WRN: variants seen among roughly 807,000 people sequenced by gnomAD.
WRN encodes bifunctional 3'-5' exonuclease/ATP-dependent helicase WRN.
Under a neutral mutation model 180.7 loss-of-function variants are expected in WRN, and 149 were observed. That is an observed-to-expected ratio of 0.82 (90% CI 0.72 to 0.94). The LOEUF (loss-of-function observed/expected upper bound fraction) is 0.94. Among genes scored for constraint, WRN ranks in the 40% least tolerant of loss-of-function variants. The probability of loss-of-function intolerance (pLI) is 0.00; values close to 1 mark genes in which losing one functional copy is unlikely to be tolerated. For missense variants in WRN, 1,661 were observed against 1,700.1 expected, an observed-to-expected ratio of 0.98 and a Z score of 0.40; for synonymous variants, 548 against 568.9, an observed-to-expected ratio of 0.96 and a Z score of 0.52.
intron 23 of WRN, 106 bp from the exon 24 acceptor site, chr8:31,132,259 A>G: frequency 7.3e-7 from 1 of 1,371,926 alleles, no homozygotes; most frequent in Non-Finnish European, 9.9e-7. Flanking sequence ...AGCAGTTGGC[A>G]CATTTGAGAT....
intron 14 of WRN, 123 bp from the exon 15 acceptor site, chr8:31,090,711 A>G: frequency 9.7e-7 from 1 of 1,035,558 alleles, no homozygotes; most frequent in Non-Finnish European, 1.4e-6. Flanking sequence ...TTTTAGGAAG[A>G]TAGCATACTA....
intron 20 of WRN, among the ~76,000 whole-genome samples, chr8:31,117,084 A>G (rs1473122473): frequency 6.6e-6 from 1 of 152,210 alleles, no homozygotes; most frequent in African/African-American, 2.4e-5. Flanking sequence ...AAAACTTGCA[A>G]AGAAGCAGTC....
At chr8:31,130,699 A>G (rs936431686) in intron 23 of WRN, among the ~76,000 whole-genome samples, 17 of 151,002 alleles carry the variant, frequency 1.1e-4, no homozygotes, top group African/African-American at 4.1e-4. Context: ...TGGAGTTATT[A>G]TTACTAGAGT....
chr8:31,166,000 A>G (rs767550426), intron 33 of WRN, among the ~76,000 whole-genome samples: 15 of 152,086 alleles, frequency 9.9e-5, no homozygotes, highest in African/African-American at 3.4e-4. Flanking sequence ...CCACTTACCT[A>G]GTTTCTATTA....
chr8:31,124,872 G>A (rs759964208), intron 22 of WRN, 36 bp from the exon 23 acceptor site: 11 of 1,575,686 alleles, frequency 7.0e-6, no homozygotes, highest in Middle Eastern at 1.7e-4. Context: ...ATACGTTTCT[G>A]TTCTTTTATT....
intron 1 of WRN, among the ~76,000 whole-genome samples, chr8:31,056,546 A>G (rs1293970296): frequency 4.6e-5 from 7 of 152,218 alleles, no homozygotes; most frequent in African/African-American, 1.7e-4. Context: ...TTCTGTGAAT[A>G]TAGGCAAGCA....
In WRN at chr8:31,132,604, C is replaced by T. The variant is rs1802229231; in HGVS notation, c.2967+98C>T. ...AGTATTATGATTGTAGCTTTGACTTCAGATGGGTGACTAGGAACTCATAGA... is the reference window on the plus strand; with the variant it reads ...AGTATTATGATTGTAGCTTTGACTTTAGATGGGTGACTAGGAACTCATAGA... On this transcript the variant is annotated intron_variant, in intron 24 of 34. Coordinates refer to ENST00000298139, the MANE Select transcript of WRN (RefSeq NM_000553.6). The T allele has an allele frequency of 9.2e-6, 14 of 1,527,090 alleles. No individual in the cohort carries two copies. The Admixed American group carries it at 2.4e-4, about 26-fold the overall frequency. The allele number at this position is 1,527,090 out of a possible 1,614,324, so 94.6% of individuals were successfully genotyped here. A position where few individuals can be genotyped will look rare whatever the true frequency, so the allele number is the denominator to read the frequency against.
At chr8:31,069,695 G>T (rs983175019) in intron 7 of WRN, among the ~76,000 whole-genome samples, 2 of 152,182 alleles carry the variant, frequency 1.3e-5, no homozygotes, top group Non-Finnish European at 1.5e-5. Context: ...TGGGAGGGAG[G>T]TTCCTGGAAC....
intron 7 of WRN, among the ~76,000 whole-genome samples, chr8:31,074,340 C>T (rs1813021915): frequency 1.3e-5 from 2 of 152,070 alleles, no homozygotes; most frequent in Non-Finnish European, 2.9e-5. Context: ...GTAGACAACT[C>T]TTTCAAGGAA....
In WRN at chr8:31,119,947, C is replaced by A. The variant is rs542245752; in HGVS notation, c.2449-296C>A. The A allele has an allele frequency of 2.8e-4, 93 of 337,934 alleles. No homozygotes were observed. In the Middle Eastern group the frequency reaches 3.9e-3, roughly 14 times the overall value. The allele number at this position is 337,934 out of a possible 1,614,324, so 20.9% of individuals were successfully genotyped here. ...AACTTCATTATAATGCAAAAGTTTT[C>A]TTTAACACAATAAATATTTTGAACC... is the stretch of plus-strand genomic sequence containing the variant. On this transcript the variant is annotated intron_variant, in intron 20 of 34. Transcript: ENST00000298139.
chr8:31,137,001 T>C (rs1381883083), intron 24 of WRN, among the ~76,000 whole-genome samples: 1 of 151,906 alleles, frequency 6.6e-6, no homozygotes, highest in Non-Finnish European at 1.5e-5. Context: ...TTGTTCAGAG[T>C]GAGAAATCAT....
intron 16 of WRN, 57 bp downstream of exon 16, chr8:31,091,955 G>A (rs1813764589): frequency 2.0e-6 from 3 of 1,479,194 alleles, no homozygotes; most frequent in South Asian, 2.3e-5. Flanking sequence ...GCATATGCAA[G>A]TTTGTTACGT....
At chr8:31,095,676 C>A (rs1813935730) in intron 16 of WRN, among the ~76,000 whole-genome samples, 3 of 152,116 alleles carry the variant, frequency 2.0e-5, no homozygotes. Context: ...GTACCTTTGT[C>A]AAAAATAAAT....
chr8:31,119,269 A>G (rs1300105519), intron 20 of WRN, among the ~76,000 whole-genome samples: 2 of 151,828 alleles, frequency 1.3e-5, no homozygotes, highest in African/African-American at 2.4e-5. Flanking sequence ...AGATAGGTCT[A>G]CTGTTCTTAC....
chr8:31,139,322 G>T (rs1467919935), intron 24 of WRN, among the ~76,000 whole-genome samples: 1 of 152,080 alleles, frequency 6.6e-6, no homozygotes, highest in African/African-American at 2.4e-5. Flanking sequence ...AAAATATTGA[G>T]TTATAATCTA....
At chr8:31,170,101 G>T (rs1373235455) in intron 34 of WRN, among the ~76,000 whole-genome samples, 2 of 152,102 alleles carry the variant, frequency 1.3e-5, no homozygotes, top group Admixed American at 6.5e-5. Flanking sequence ...TACTGTGCAG[G>T]TCTTAATTGC....
chr8:31,084,974 CTTTG>C (rs1470454280), intron 10 of WRN, among the ~76,000 whole-genome samples, 188 bp from the exon 11 acceptor site: 1 of 151,498 alleles, frequency 6.6e-6, no homozygotes, highest in Non-Finnish European at 1.5e-5. Flanking sequence ...CTCTTTGGTT[CTTTG>C]TTTCTTTGTT....
chr8:31,127,987 G>A (rs1209182487), intron 23 of WRN, among the ~76,000 whole-genome samples: 1 of 151,946 alleles, frequency 6.6e-6, no homozygotes, highest in African/African-American at 2.4e-5. Context: ...GCTCACACCT[G>A]TAGTCCCAGT....
intron 32 of WRN, among the ~76,000 whole-genome samples, chr8:31,156,063 A>C (rs1803373861): frequency 6.6e-6 from 1 of 152,244 alleles, no homozygotes; most frequent in African/African-American, 2.4e-5. Context: ...TGGGAATTTT[A>C]AGTTCAGTTT....
Sources: allele counts gnomAD v4.1 joint callset (sites outside exome capture counted in the v4.1 genomes callset), GRCh38; gene constraint gnomAD v4.1.1; transcripts MANE v1.5; gene names NCBI Gene and HGNC (gene_info 2026-07-23, HGNC 2026-07-21).